Variants in MEP1A observed in about 807,000 individuals in gnomAD.
The protein encoded by MEP1A is N-benzoyl-L-tyrosyl-P-amino-benzoic acid hydrolase subunit alpha.
Under a neutral mutation model 84.5 loss-of-function variants are expected in MEP1A, and 68 were observed. The ratio of observed to expected loss-of-function variants is 0.80; its 90% CI spans 0.66 to 0.98. The LOEUF is 0.98. Among genes scored for constraint, MEP1A ranks in the 50% least tolerant of loss-of-function variants. The probability of loss-of-function intolerance (pLI) is 0.00; values close to 1 mark genes in which losing one functional copy is unlikely to be tolerated. For missense variants in MEP1A, 887 were observed against 919.9 expected (o/e 0.96, Z 0.46); for synonymous variants, 337 against 336.8 (o/e 1.00, Z -0.01).
intron 7 of MEP1A, among the ~76,000 whole-genome samples, chr6:46,820,232 G>A (rs1270252268): frequency 6.6e-6 from 1 of 152,128 alleles, no homozygotes; most frequent in East Asian, 1.9e-4. Context: ...ATTCTAGCTA[G>A]TTATCTGGGT....
intron 6 of MEP1A, 134 bp downstream of exon 6, chr6:46,809,671 G>A (rs1008475431): frequency 3.1e-5 from 19 of 610,934 alleles, no homozygotes; most frequent in Non-Finnish European, 4.4e-5. Context: ...CCACATATGA[G>A]TGAGAACATA....
intron 5 of MEP1A, among the ~76,000 whole-genome samples, chr6:46,808,980 T>A (rs1320493909): frequency 6.6e-6 from 1 of 152,012 alleles, no homozygotes; most frequent in Non-Finnish European, 1.5e-5. Flanking sequence ...TCTCACTGCC[T>A]CACTCTAAGG....
At position 46,793,448 on chromosome 6, in the gene MEP1A, C is replaced by T. The variant is rs867782131; in HGVS notation, c.50C>T (p.Ala17Val). 6.2e-7 allele frequency: 1 copy of T among 1,605,308 alleles called. No individual in the cohort carries two copies. Among genetic ancestry groups the T allele is most frequent in the South Asian group, 1.1e-5 (1 of 88,780 alleles). Residue 17 changes from alanine (A) to valine (V), a missense_variant, in exon 1 of 14, where the codon GCC (alanine) becomes GTC (valine). Coordinates refer to ENST00000230588, the MANE Select transcript of MEP1A (RefSeq NM_005588.3). ...ATTCTCTTTTTTACCTTGCTTTTTGCCCACATAGCAGCTGTACCGGTAAGT... is the reference window on the plus strand; with the variant it reads ...ATTCTCTTTTTTACCTTGCTTTTTGTCCACATAGCAGCTGTACCGGTAAGT... Reference protein sequence around the residue: ...TCILFFTLLFAHIAAVPIKYL... With the variant: ...TCILFFTLLFVHIAAVPIKYL...
At chr6:46,823,748 C>A (rs1484100131) in intron 7 of MEP1A, among the ~76,000 whole-genome samples, 2 of 152,020 alleles carry the variant, frequency 1.3e-5, no homozygotes, top group Non-Finnish European at 1.5e-5. Context: ...AGAAGAAAAT[C>A]AAAAAAATCT....
downstream of MEP1A, among the ~76,000 whole-genome samples, chr6:46,841,672 C>G (rs1000149528): frequency 2.0e-5 from 3 of 152,192 alleles, no homozygotes; most frequent in Non-Finnish European, 4.4e-5. Flanking sequence ...ATGCTTCCCC[C>G]ACCATATCCT....
At position 46,807,828 on chromosome 6, in the gene MEP1A, A is replaced by G. The variant is rs66957809; in HGVS notation, c.263-1592A>G. ...GAAAGAAAGAAAGAAAGAAAGAAAG[A>G]AAGAAAGAAAGGAAGAAAGGAAATA... On this transcript the variant is annotated intron_variant, in intron 5 of 13. Transcript: ENST00000230588. 1.8e-3 allele frequency among the ~76,000 whole-genome samples: 257 copies of G among 140,406 alleles called. 1 individual carries two copies. Among genetic ancestry groups the G allele is most frequent in the African/African-American group, 5.3e-3 (207 of 38,890 alleles). 92.1% of individuals were successfully genotyped at this position (140,406 alleles called of 152,430 possible).
rs761608750 is a variant in MEP1A, at chr6:46,826,454, C to T, written c.879C>T (p.Asp293=). 4 of 1,605,900 alleles carry T rather than the reference C, an allele frequency of 2.5e-6. No individual in the cohort carries two copies. The African/African-American group carries it at 4.0e-5, about 16-fold the overall frequency. ...ATGACACTGACTGGGCCCATCAGGACAGTGCTCAGGCTGGAGAAGTGGATC... is the reference window on the plus strand; with the variant it reads ...ATGACACTGACTGGGCCCATCAGGATAGTGCTCAGGCTGGAGAAGTGGATC... The part of the protein sequence containing the change: ...TRDDTDWAHQ[D]SAQAGEVDHT... Residue 293 remains aspartate (D), a synonymous_variant, in exon 9 of 14, where the codon GAC becomes GAT. Coordinates refer to ENST00000230588, the MANE Select transcript of MEP1A (RefSeq NM_005588.3).
chr6:46,832,754 C>T (rs1768104443), intron 10 of MEP1A, among the ~76,000 whole-genome samples: 1 of 152,056 alleles, frequency 6.6e-6, no homozygotes, highest in South Asian at 2.1e-4. Context: ...TCTTTGCTAA[C>T]CTTAGGGGTT....
At position 46,809,438 on chromosome 6, in the gene MEP1A, C is replaced by A. The variant is rs1020962648; in HGVS notation, c.281C>A (p.Ala94Asp). 1 of 1,606,152 alleles carries A rather than the reference C, an allele frequency of 6.2e-7. No individual in the cohort carries two copies. The highest frequency in any genetic ancestry group is 1.7e-5 in the Admixed American group (1 of 59,244). ...ADNLGLNAKG[A>D]ILYAFEMFRL... ...TCTGCAGGGCTGAATGCTAAAGGAG[C>A]CATTCTGTATGCCTTTGAGATGTTC... Residue 94 changes from alanine (A) to aspartate (D), a missense_variant, in exon 6 of 14, where the codon GCC (alanine) becomes GAC (aspartate). Ala to Asp is a moderately radical substitution (Grantham distance 126, BLOSUM62 -2). Transcript: ENST00000230588.
chr6:46,836,609 C>A (rs911031196), intron 13 of MEP1A, among the ~76,000 whole-genome samples: 9 of 152,112 alleles, frequency 5.9e-5, no homozygotes, highest in South Asian at 4.1e-4. Flanking sequence ...AAATTACAGG[C>A]CTTATTCAGC....
intron 13 of MEP1A, among the ~76,000 whole-genome samples, chr6:46,836,064 T>C (rs1398454372): frequency 6.6e-6 from 1 of 152,212 alleles, no homozygotes; most frequent in East Asian, 1.9e-4. Flanking sequence ...CCTGAGCATC[T>C]TACACGCATG....
intron 6 of MEP1A, among the ~76,000 whole-genome samples, chr6:46,815,714 G>T (rs1264102623): frequency 2.0e-5 from 3 of 152,104 alleles, no homozygotes; most frequent in African/African-American, 7.2e-5. Context: ...AGCTAATCCT[G>T]CCTCTCATCC....
intron 13 of MEP1A, among the ~76,000 whole-genome samples, chr6:46,837,470 T>C (rs1006961288): frequency 6.6e-6 from 1 of 152,216 alleles, no homozygotes; most frequent in African/African-American, 2.4e-5. Flanking sequence ...ATAGAATCAA[T>C]CACTCTTCCA....
intron 3 of MEP1A, among the ~76,000 whole-genome samples, chr6:46,794,027 T>C (rs970149893): frequency 1.3e-5 from 2 of 152,184 alleles, no homozygotes; most frequent in African/African-American, 4.8e-5. Context: ...ATTATTCCGA[T>C]TGTTAAAGAA....
At chr6:46,828,357 G>A (rs1767996099) in intron 9 of MEP1A, among the ~76,000 whole-genome samples, 1 of 151,618 alleles carries the variant, frequency 6.6e-6, no homozygotes, top group Admixed American at 6.6e-5. Context: ...TAATATTAAA[G>A]TCGTTTGATA....
chr6:46,834,894 T>C, intron 12 of MEP1A, 143 bp downstream of exon 12: 1 of 639,474 alleles, frequency 1.6e-6, no homozygotes, highest in East Asian at 2.8e-5. Context: ...ATTCAATTGG[T>C]CAAGGACTCA....
At chr6:46,829,593 A>T (rs755487598) in intron 10 of MEP1A, 22 bp downstream of exon 10, 2 of 1,566,424 alleles carry the variant, frequency 1.3e-6, no homozygotes, top group Middle Eastern at 1.7e-4. Context: ...CATTCACACG[A>T]GGAATGGATT....
At chr6:46,842,974 G>A (rs923603810), downstream of MEP1A, among the ~76,000 whole-genome samples, 3 of 152,184 alleles carry the variant, frequency 2.0e-5, no homozygotes, top group Admixed American at 2.0e-4. Flanking sequence ...TGTTTTGTAG[G>A]TGTAGGGAAG....
intron 10 of MEP1A, among the ~76,000 whole-genome samples, chr6:46,829,882 G>A (rs779805719): frequency 1.3e-5 from 2 of 152,152 alleles, no homozygotes; most frequent in Non-Finnish European, 2.9e-5. Flanking sequence ...CAAAGGCCAA[G>A]ACTGAGAAAA....
Sources: allele counts gnomAD v4.1 joint callset (sites outside exome capture counted in the v4.1 genomes callset), GRCh38; gene constraint gnomAD v4.1.1; transcripts MANE v1.5; gene names NCBI Gene and HGNC (gene_info 2026-07-23, HGNC 2026-07-21).